The following TAS2R1 variants were observed in gnomAD, a reference collection of about 807,000 sequenced individuals.
TAS2R1 encodes the protein taste receptor type 2 member 1.
For synonymous variants in TAS2R1, 141 were observed against 134.2 expected, an observed-to-expected ratio of 1.05 and a Z score of -0.35; for missense variants, 370 against 353.4, an observed-to-expected ratio of 1.05 and a Z score of -0.38.
intron 2 of TAS2R1, among the ~76,000 whole-genome samples, chr5:9,646,172 G>A (rs1451667516): frequency 2.6e-5 from 4 of 152,044 alleles, no homozygotes; most frequent in Non-Finnish European, 5.9e-5. Context: ...AAACATATCT[G>A]TGGAAGTTAC....
the TAS2R1 span, among the ~76,000 whole-genome samples, chr5:9,788,023 C>T: frequency 6.6e-6 from 1 of 152,200 alleles, no homozygotes; most frequent in African/African-American, 2.4e-5. Context: ...GGTGAGCCTG[C>T]TGGGCTGTCA....
chr5:9,764,243 G>A, the TAS2R1 span, among the ~76,000 whole-genome samples: 440 of 152,302 alleles, frequency 2.9e-3, 1 homozygote, highest in African/African-American at 0.01. Flanking sequence ...TTTTCAAAAA[G>A]TGTATCAATA....
the TAS2R1 span, among the ~76,000 whole-genome samples, chr5:9,718,937 T>C: frequency 6.6e-6 from 1 of 152,130 alleles, no homozygotes; most frequent in South Asian, 2.1e-4. Context: ...TAGATTAAAG[T>C]AGGCTAAAGA....
the TAS2R1 span, chr5:9,903,831 G>A: frequency 6.6e-6 from 1 of 152,170 alleles, no homozygotes; most frequent in Non-Finnish European, 1.5e-5. Flanking sequence ...ACTCTCCTTG[G>A]GTGAGGCTTG....
chr5:9,903,638 C>A, the TAS2R1 span: 1 of 152,110 alleles, frequency 6.6e-6, no homozygotes, highest in African/African-American at 2.4e-5. Context: ...ACAGACCTAC[C>A]AGGCTCTGGG....
chr5:9,891,650 G>A, the TAS2R1 span, among the ~76,000 whole-genome samples: 4 of 152,196 alleles, frequency 2.6e-5, no homozygotes, highest in Middle Eastern at 3.4e-3. Flanking sequence ...AGTAAATTGA[G>A]CAAAAGCCCC....
the TAS2R1 span, among the ~76,000 whole-genome samples, chr5:9,846,905 C>T: frequency 3.3e-4 from 50 of 152,310 alleles, no homozygotes; most frequent in African/African-American, 1.2e-3. Flanking sequence ...TTGAAATCTG[C>T]TTTTCTTTCA....
the TAS2R1 span, among the ~76,000 whole-genome samples, chr5:9,786,399 A>T: frequency 3.9e-5 from 6 of 152,186 alleles, no homozygotes; most frequent in African/African-American, 1.2e-4. Context: ...AGATGCTGTA[A>T]ACTTTGGTAC....
the TAS2R1 span, among the ~76,000 whole-genome samples, chr5:9,821,570 A>G: frequency 6.6e-6 from 1 of 152,248 alleles, no homozygotes; most frequent in Non-Finnish European, 1.5e-5. Flanking sequence ...AAACAAGAGC[A>G]TGATCTAAAC....
At chr5:9,713,713 T>C (rs1234451877), upstream of TAS2R1, 3 of 152,274 alleles carry the variant, frequency 2.0e-5, 1 homozygote, top group Middle Eastern at 6.8e-3. Context: ...GGAAGGTCAG[T>C]GAGGAAAAAT....
the TAS2R1 span, among the ~76,000 whole-genome samples, chr5:9,754,347 C>G: frequency 6.6e-6 from 1 of 152,136 alleles, no homozygotes; most frequent in Non-Finnish European, 1.5e-5. Flanking sequence ...AAAACTGGCA[C>G]AAGACAGGGA....
chr5:9,765,937 GT>G, the TAS2R1 span, among the ~76,000 whole-genome samples: 2 of 152,156 alleles, frequency 1.3e-5, no homozygotes, highest in African/African-American at 4.8e-5. Context: ...TGAGAAATAG[GT>G]TTTCATTTCA....
the TAS2R1 span, among the ~76,000 whole-genome samples, chr5:9,830,190 T>TGGATGGATGGAC: frequency 1.1e-5 from 1 of 92,504 alleles, no homozygotes; most frequent in South Asian, 3.4e-4. Flanking sequence ...GATGGATGGA[T>TGGATGGATGGAC]GGATGGATGG....
the TAS2R1 span, among the ~76,000 whole-genome samples, chr5:9,896,912 T>C: frequency 6.6e-6 from 1 of 152,160 alleles, no homozygotes; most frequent in Non-Finnish European, 1.5e-5. Flanking sequence ...AGACAACAAT[T>C]TGGCTCCGAT....
intron 2 of TAS2R1, among the ~76,000 whole-genome samples, chr5:9,636,846 G>A (rs982437269): frequency 6.6e-6 from 1 of 152,070 alleles, no homozygotes; most frequent in Non-Finnish European, 1.5e-5. Flanking sequence ...GAAGATAGCA[G>A]ATACTTAAGT....
At chr5:9,893,409 C>T in the TAS2R1 span, among the ~76,000 whole-genome samples, 2 of 152,080 alleles carry the variant, frequency 1.3e-5, no homozygotes, top group African/African-American at 4.8e-5. Context: ...CATTCCAAAG[C>T]CCAGCCCAGA....
the TAS2R1 span, among the ~76,000 whole-genome samples, chr5:9,755,447 C>T: frequency 6.1e-3 from 925 of 151,880 alleles, 10 homozygotes; most frequent in African/African-American, 0.022. Flanking sequence ...ATTAGCCAGG[C>T]GTGGTAGCGT....
chr5:9,680,979 T>C (rs1240828957), intron 1 of TAS2R1, among the ~76,000 whole-genome samples: 1 of 152,106 alleles, frequency 6.6e-6, no homozygotes, highest in Non-Finnish European at 1.5e-5. Flanking sequence ...GGAGAATCAC[T>C]AGAACCCAGG....
At chr5:9,701,987 A>G (rs1045729572) in intron 1 of TAS2R1, among the ~76,000 whole-genome samples, 30 of 152,250 alleles carry the variant, frequency 2.0e-4, no homozygotes, top group African/African-American at 7.2e-4. Context: ...TGTAGATAAC[A>G]AAACAGAAGT....
Sources: gnomAD v4.1 joint callset for allele counts (sites outside exome capture counted in the v4.1 genomes callset) on GRCh38, gnomAD v4.1.1 for gene constraint, MANE v1.5 for transcripts, NCBI Gene and HGNC (gene_info 2026-07-23, HGNC 2026-07-21) for gene names.